TRPC1: variants seen among roughly 807,000 people sequenced by gnomAD.
The protein encoded by TRPC1 is short transient receptor potential channel 1.
Under a neutral mutation model 88.2 loss-of-function variants are expected in TRPC1, and 42 were observed. That is an observed-to-expected ratio of 0.48 (90% CI 0.37 to 0.62). The LOEUF is 0.62. TRPC1 is among the 20% of genes least tolerant of loss of function. The pLI is 0.00. For missense variants in TRPC1, 699 were observed against 957.3 expected, an observed-to-expected ratio of 0.73 and a Z score of 3.56; for synonymous variants, 288 against 331.8, an observed-to-expected ratio of 0.87 and a Z score of 1.43.
chr3:142,741,548 G>A (rs1934349438), intron 2 of TRPC1, among the ~76,000 whole-genome samples: 1 of 152,128 alleles, frequency 6.6e-6, no homozygotes, highest in Non-Finnish European at 1.5e-5. Flanking sequence ...TGCTGTACTG[G>A]TATTTAATCT....
rs1170077745 is a variant in TRPC1, at chr3:142,776,027, T to A, written c.633-1605T>A. Among the ~76,000 whole-genome samples, 2 of 152,226 alleles carry A rather than the reference T, an allele frequency of 1.3e-5. No individual in the cohort carries two copies. The highest frequency in any genetic ancestry group is 4.8e-5 in the African/African-American group (2 of 41,458). On this transcript the variant is annotated intron_variant, in intron 4 of 12. Coordinates refer to ENST00000476941, the MANE Select transcript of TRPC1 (RefSeq NM_001251845.2). This position sits in a 1 kb window ranked among gnomAD's most constrained non-coding sequence, Gnocchi z 4.1. ...AGAATATTCATTGCTGCATTTTTTATAGCAGAAAAAAATTAGAAGCCACCT... is the reference window on the plus strand; with the variant it reads ...AGAATATTCATTGCTGCATTTTTTAAAGCAGAAAAAAATTAGAAGCCACCT...
intron 1 of TRPC1, among the ~76,000 whole-genome samples, chr3:142,733,244 G>T (rs370930994): frequency 2.0e-5 from 3 of 152,290 alleles, no homozygotes; most frequent in East Asian, 3.9e-4. Flanking sequence ...GGGCACGGTG[G>T]CTTATGACTG....
chr3:142,757,580 T>C (rs1935019291), intron 4 of TRPC1, among the ~76,000 whole-genome samples: 1 of 148,816 alleles, frequency 6.7e-6, no homozygotes, highest in African/African-American at 2.5e-5. Flanking sequence ...TTCTCACTCA[T>C]AAGTGGGAGT....
rs1936814751 is a variant in TRPC1, at chr3:142,807,023, A to T, written c.*788A>T. ...TTTTAGCTATTCAGTTATGTTTATA[A>T]GTTTGCATAGCTACTTCTCGACATT... On this transcript the variant is annotated 3_prime_UTR_variant, in exon 13 of 13. Transcript: ENST00000476941. 6.6e-6 allele frequency: 1 copy of T among 151,774 alleles called. No individual in the cohort carries two copies. Among genetic ancestry groups the T allele is most frequent in the Non-Finnish European group, 1.5e-5 (1 of 67,906 alleles). 9.4% of individuals were successfully genotyped at this position (151,774 alleles called of 1,614,324 possible). A position where few individuals can be genotyped will look rare whatever the true frequency, so the allele number is the denominator to read the frequency against.
In TRPC1 at chr3:142,792,125, C is replaced by CTA. The variant is rs1388182091; in HGVS notation, c.1438-698_1438-697dup. 6.6e-6 allele frequency among the ~76,000 whole-genome samples: 1 copy of CTA among 151,862 alleles called. No individual in the cohort carries two copies. The highest frequency in any genetic ancestry group is 2.4e-5 in the African/African-American group (1 of 41,376). ...GGAATATGTTAGGTACGTTCAGTGT[C>CTA]TAGAGTGTGAAATTACTAAGAAAAT... On this transcript the variant is annotated intron_variant, in intron 8 of 12. Coordinates refer to ENST00000476941, the MANE Select transcript of TRPC1 (RefSeq NM_001251845.2). This position sits in a 1 kb window ranked among gnomAD's most constrained non-coding sequence, Gnocchi z 4.0.
At chr3:142,730,195 A>T (rs1407869996) in intron 1 of TRPC1, among the ~76,000 whole-genome samples, 1 of 152,160 alleles carries the variant, frequency 6.6e-6, no homozygotes, top group Non-Finnish European at 1.5e-5. Flanking sequence ...GACTCTAACT[A>T]CAAAATAAAC....
At chr3:142,797,745 T>G (rs797013597) in intron 9 of TRPC1, among the ~76,000 whole-genome samples, 4 of 152,230 alleles carry the variant, frequency 2.6e-5, no homozygotes, top group African/African-American at 9.6e-5. Context: ...TGACACATGG[T>G]GGGCTTTACG....
chr3:142,795,516 G>C (rs900175747), intron 9 of TRPC1, among the ~76,000 whole-genome samples: 1 of 151,118 alleles, frequency 6.6e-6, no homozygotes, highest in Admixed American at 6.6e-5. Context: ...GATGACAGTA[G>C]ATTTCTTGTC....
chr3:142,735,090 T>C (rs1443202214), intron 1 of TRPC1, among the ~76,000 whole-genome samples: 1 of 152,200 alleles, frequency 6.6e-6, no homozygotes, highest in Non-Finnish European at 1.5e-5. Flanking sequence ...TATTAACTAC[T>C]AGTACTATGG....
chr3:142,759,889 C>G (rs1327580797), intron 4 of TRPC1, among the ~76,000 whole-genome samples: 1 of 152,198 alleles, frequency 6.6e-6, no homozygotes, highest in East Asian at 1.9e-4. Context: ...GAGTCTTGCT[C>G]TGTTGCCCAG....
intron 6 of TRPC1, 24 bp from the exon 7 acceptor site, chr3:142,784,680 A>G: frequency 6.5e-7 from 1 of 1,544,056 alleles, no homozygotes; most frequent in Non-Finnish European, 8.7e-7. Flanking sequence ...TTTTCTTTTT[A>G]ATGTGTGTGT....
At chr3:142,736,716 A>G (rs1191635877) in intron 2 of TRPC1, among the ~76,000 whole-genome samples, 183 bp downstream of exon 2, 1 of 152,048 alleles carries the variant, frequency 6.6e-6, no homozygotes, top group Non-Finnish European at 1.5e-5. Context: ...TAAAAGTTTT[A>G]AAAACAAACC....
chr3:142,780,750 G>A, intron 5 of TRPC1, 84 bp from the exon 6 acceptor site: 1 of 1,308,210 alleles, frequency 7.6e-7, no homozygotes, highest in Non-Finnish European at 1.0e-6. Flanking sequence ...TTAAAATGTT[G>A]CTGAGTAAAA....
intron 3 of TRPC1, among the ~76,000 whole-genome samples, chr3:142,744,243 A>T (rs1934457335): frequency 6.6e-6 from 1 of 152,134 alleles, no homozygotes; most frequent in South Asian, 2.1e-4. Context: ...AAATTTACTT[A>T]TTAAAGTTGA....
At chr3:142,750,381 G>T (rs542440235) in intron 4 of TRPC1, among the ~76,000 whole-genome samples, 5 of 152,332 alleles carry the variant, frequency 3.3e-5, no homozygotes, top group African/African-American at 9.6e-5. Flanking sequence ...TCTCATGCCA[G>T]TTAGAATGGT....
chr3:142,745,371 C>T (rs1399611732), intron 3 of TRPC1, among the ~76,000 whole-genome samples: 5 of 152,170 alleles, frequency 3.3e-5, no homozygotes, highest in Non-Finnish European at 5.9e-5. Flanking sequence ...TTAGTGTTGG[C>T]AGCCCTCACC....
At position 142,805,123 on chromosome 3, in the gene TRPC1, TATATATACACAC is replaced by T. The variant is rs1442940384; in HGVS notation, c.2154+495_2154+506del. On this transcript the variant is annotated intron_variant, in intron 12 of 12. Transcript: ENST00000476941. ...CTCAGAACAAACAAACAAACAAATA[TATATATACACAC>T]ACACACACACACACACACACACACA... is the stretch of plus-strand genomic sequence containing the variant. 2.6e-4 allele frequency among the ~76,000 whole-genome samples: 25 copies of T among 96,726 alleles called. 1 individual carries two copies. The East Asian group carries it at 3.3e-3, about 13-fold the overall frequency. The allele number at this position is 96,726 out of a possible 152,430, so 63.5% of individuals were successfully genotyped here. A position where few individuals can be genotyped will look rare whatever the true frequency, so the allele number is the denominator to read the frequency against.
chr3:142,771,333 TC>T (rs1295333590), intron 4 of TRPC1, among the ~76,000 whole-genome samples: 3 of 152,124 alleles, frequency 2.0e-5, no homozygotes, highest in Non-Finnish European at 4.4e-5. Context: ...AAAGTCAGTG[TC>T]AGATTTTTTG....
intron 7 of TRPC1, 42 bp downstream of exon 7, chr3:142,785,082 C>T: frequency 6.7e-7 from 1 of 1,481,498 alleles, no homozygotes; most frequent in African/African-American, 1.4e-5. Flanking sequence ...CTTTATTTAG[C>T]CCACTGATTC....
Sources: allele counts gnomAD v4.1 joint callset (sites outside exome capture counted in the v4.1 genomes callset), GRCh38; gene constraint gnomAD v4.1.1; non-coding constraint Gnocchi (gnomAD v3.1); transcripts MANE v1.5; gene names NCBI Gene and HGNC (gene_info 2026-07-23, HGNC 2026-07-21).